LAMA1: variants seen among roughly 807,000 people sequenced by gnomAD.
LAMA1 encodes the protein laminin subunit alpha-1.
A neutral mutation model predicts 348.7 loss-of-function variants in LAMA1; 219 were observed. The ratio of observed to expected loss-of-function variants is 0.63; its 90% confidence interval spans 0.56 to 0.70. The LOEUF is 0.70. LAMA1 is among the 30% of genes least tolerant of loss of function. LAMA1 has a pLI of 0.00. For missense variants in LAMA1, 3,744 were observed against 3,888.0 expected (o/e 0.96, Z 0.99); for synonymous variants, 1,487 against 1,491.0 (o/e 1.00, Z 0.06).
In LAMA1 at chr18:6,984,355, A is replaced by G. The variant is rs145618924; in HGVS notation, c.5660+882T>C. ...ACATACATTTTCCCAGTGTGGTCAG[A>G]CTTGTCACCCATAACGCATAGCAAA... On this transcript the variant is annotated intron_variant, in intron 39 of 62. Transcript: ENST00000389658. 3.2e-3 allele frequency among the ~76,000 whole-genome samples: 495 copies of G among 152,320 alleles called. 4 individuals are homozygous for G. The highest frequency in any genetic ancestry group is 0.012 in the African/African-American group (483 of 41,566).
intron 36 of LAMA1, among the ~76,000 whole-genome samples, chr18:6,987,795 T>TGATATAATTTTTAAC (rs1568019948): frequency 6.6e-6 from 1 of 152,210 alleles, no homozygotes; most frequent in Non-Finnish European, 1.5e-5. Context: ...TAATTTTTAA[T>TGATATAATTTTTAAC]GATATAATTT....
At chr18:7,111,034 C>G (rs16951252) in intron 1 of LAMA1, among the ~76,000 whole-genome samples, 23,137 of 152,090 alleles carry the variant, frequency 0.15, 4,801 homozygotes, top group African/African-American at 0.47. Context: ...GCAGGAAATA[C>G]TTTCGGGAAT....
Position 7,017,347 on chromosome 18 carries a change from C to A in LAMA1, c.2739G>T (p.Val913=), listed in dbSNP as rs775258140. 3 of 1,614,004 alleles carry A rather than the reference C, an allele frequency of 1.9e-6. No homozygotes were observed. In the Admixed American group the frequency reaches 5.0e-5, roughly 27 times the overall value. ...ECHVKGSHSA[V]CHLETGLCDC... ...CACAGAGCCCGGTCTCAAGATGGCA[C>A]ACGGCAGAATGGGAGCCTTTCACAT... Residue 913 remains valine (V), a synonymous_variant, in exon 20 of 63, where the codon GTG becomes GTT. Transcript: ENST00000389658.
chr18:7,038,745 C>T (rs968086134), intron 11 of LAMA1, 65 bp downstream of exon 11: 5 of 1,603,160 alleles, frequency 3.1e-6, no homozygotes, highest in Admixed American at 1.7e-5. Flanking sequence ...CCTCACACAG[C>T]TCGTGCCAAG....
At chr18:7,000,497 C>T (rs968372396) in intron 30 of LAMA1, among the ~76,000 whole-genome samples, 8 of 152,176 alleles carry the variant, frequency 5.3e-5, no homozygotes, top group Non-Finnish European at 7.3e-5. Context: ...AACTGGAGAA[C>T]GGATGCACCT....
intron 3 of LAMA1, among the ~76,000 whole-genome samples, chr18:7,051,881 C>T (rs2058063451): frequency 6.6e-6 from 1 of 152,146 alleles, no homozygotes. Context: ...TCTTACAAAA[C>T]TAAACATGCT....
intron 16 of LAMA1, 66 bp downstream of exon 16, chr18:7,032,000 C>T: frequency 7.5e-7 from 1 of 1,341,446 alleles, no homozygotes; most frequent in Non-Finnish European, 1.1e-6. Context: ...AAAAAAATCA[C>T]TTGTACACAG....
chr18:7,007,019 A>C, intron 29 of LAMA1, 120 bp downstream of exon 29: 1 of 1,374,604 alleles, frequency 7.3e-7, no homozygotes, highest in Non-Finnish European at 1.0e-6. Context: ...TATATTTTAT[A>C]TTTAGCTAAA....
rs75097247 is a variant in LAMA1, at chr18:7,079,760, A to G, written c.345+215T>C. 3,317 of 577,290 alleles carry G rather than the reference A, an allele frequency of 5.7e-3. 70 individuals carry two copies. The highest frequency in any genetic ancestry group is 0.055 in the African/African-American group (2,954 of 53,458). The allele number at this position is 577,290 out of a possible 1,614,324, so 35.8% of individuals were successfully genotyped here. A position where few individuals can be genotyped will look rare whatever the true frequency, so the allele number is the denominator to read the frequency against. On this transcript the variant is annotated intron_variant, in intron 3 of 62. Transcript: ENST00000389658. ...GAAGAACATCAACCATATGGAAGCA[A>G]TTTCACCCATCTCCCTGAAGACACC...
chr18:6,971,932 G>A lies in LAMA1; in HGVS notation c.6824C>T (p.Ala2275Val). ...VTHFKGCLGE[A>V]FLNGKSIGLW... ...GCCTATGGATTTTCCATTCAGGAAG[G>A]CCTCCCCCAAGCAGCCTTTAAAATG... The change falls in exon 48 of 63, where the codon GCC becomes GTC. Residue 2275 changes from alanine to valine, a missense_variant. Ala to Val is a moderately conservative substitution (Grantham distance 64). Around this residue, in one of 3 missense-constraint regions of LAMA1, gnomAD observed 1,983 missense variants for 1,934.3 expected, o/e 1.03. Coordinates refer to ENST00000389658, the MANE Select transcript of LAMA1 (RefSeq NM_005559.4). The A allele has an allele frequency of 6.2e-7, 1 of 1,613,934 alleles. No homozygotes were observed. Among genetic ancestry groups the A allele is most frequent in the South Asian group, 1.1e-5 (1 of 91,066 alleles).
intron 33 of LAMA1, among the ~76,000 whole-genome samples, chr18:6,997,253 G>A (rs541130780): frequency 1.3e-5 from 2 of 152,188 alleles, no homozygotes; most frequent in South Asian, 2.1e-4. Flanking sequence ...TGGTAGAGAT[G>A]GGGTTTCACC....
At chr18:6,976,678 C>T (rs2057684049) in intron 44 of LAMA1, among the ~76,000 whole-genome samples, 1 of 151,992 alleles carries the variant, frequency 6.6e-6, no homozygotes, top group Admixed American at 6.6e-5. Context: ...GTGATCATAG[C>T]TCACTGCAGC....
chr18:7,041,737 C>T (rs1403552305), intron 9 of LAMA1, among the ~76,000 whole-genome samples: 1 of 152,214 alleles, frequency 6.6e-6, no homozygotes, highest in Non-Finnish European at 1.5e-5. Context: ...GTGTTCCACG[C>T]ATGGCTTTAA....
At chr18:7,091,351 A>T (rs2058239095) in intron 1 of LAMA1, among the ~76,000 whole-genome samples, 1 of 152,232 alleles carries the variant, frequency 6.6e-6, no homozygotes, top group African/African-American at 2.4e-5. Context: ...ATAAAAAAGC[A>T]AATGCAGCCT....
chr18:7,069,602 A>C (rs576712452), intron 3 of LAMA1, among the ~76,000 whole-genome samples: 4 of 138,248 alleles, frequency 2.9e-5, no homozygotes, highest in Non-Finnish European at 5.9e-5. Context: ...CAGGTCTAAG[A>C]GGGGACACAA....
In LAMA1 at chr18:6,942,033, C is replaced by A; in HGVS notation, c.*46G>T. ...ATTCTTAATTCACACATACACTTCT[C>A]CTCAAAATATTAGCAATGATTCCAA... On this transcript the variant is annotated 3_prime_UTR_variant, in exon 63 of 63. Transcript: ENST00000389658. The A allele has an allele frequency of 6.2e-7, 1 of 1,608,688 alleles. No homozygotes were observed. The highest frequency in any genetic ancestry group is 1.1e-5 in the South Asian group (1 of 90,832).
Position 7,038,845 on chromosome 18 carries a change from C to A in LAMA1, c.1528G>T (p.Asp510Tyr). The change falls in exon 11 of 63, where the codon GAT becomes TAT. Residue 510 changes from aspartate to tyrosine, a missense_variant. This residue lies in a region of LAMA1 where 1,529 missense variants were observed against 1,689.4 expected (regional missense o/e 0.91). Transcript: ENST00000389658. ...CSECFCFGVS[D>Y]VCSSLSWPVG... is the part of the protein sequence containing the mutation. The stretch of plus-strand genomic sequence containing the variant: ...GGCCAAGAGAGGCTGCTGCAGACAT[C>A]AGAAACGCCAAAGCAGAAGCACTCG... 1 of 1,614,214 alleles carries A rather than the reference C, an allele frequency of 6.2e-7. No homozygotes were observed. Among genetic ancestry groups the A allele is most frequent in the Non-Finnish European group, 8.5e-7 (1 of 1,180,044 alleles).
intron 58 of LAMA1, among the ~76,000 whole-genome samples, chr18:6,949,797 T>C (rs1425385681): frequency 4.6e-5 from 7 of 152,182 alleles, no homozygotes; most frequent in Non-Finnish European, 8.8e-5. Context: ...CAAAATCGCC[T>C]TTGTAAAATT....
intron 1 of LAMA1, among the ~76,000 whole-genome samples, chr18:7,099,068 C>A (rs56129532): frequency 0.034 from 5,223 of 151,686 alleles, 224 homozygotes; most frequent in African/African-American, 0.1. Context: ...GGATGGTTGC[C>A]GTGTCTGTGT....
Sources: gnomAD v4.1 joint callset for allele counts (sites outside exome capture counted in the v4.1 genomes callset) on GRCh38, gnomAD v4.1.1 for gene constraint, gnomAD v4.1.1 regional missense constraint, MANE v1.5 for transcripts, NCBI Gene and HGNC (gene_info 2026-07-23, HGNC 2026-07-21) for gene names.